RASAL2: variants seen among roughly 807,000 people sequenced by gnomAD.
RASAL2 encodes the protein ras GTPase-activating protein nGAP.
A neutral mutation model predicts 128.9 loss-of-function variants in RASAL2; 58 were observed. The observed-to-expected ratio is 0.45, with a 90% CI of 0.36 to 0.56. The LOEUF is 0.56. RASAL2 is among the 20% of genes least tolerant of loss of function. The pLI, the probability that RASAL2 is intolerant of heterozygous loss-of-function variation, is 0.00. For synonymous variants in RASAL2, 561 were observed against 580.8 expected, an observed-to-expected ratio of 0.97 and a Z score of 0.49; for missense variants, 1,360 against 1,601.6, an observed-to-expected ratio of 0.85 and a Z score of 2.57.
At chr1:178,460,274 G>A (rs555407865) in intron 14 of RASAL2, among the ~76,000 whole-genome samples, 2 of 152,150 alleles carry the variant, frequency 1.3e-5, no homozygotes, top group Admixed American at 1.3e-4. Flanking sequence ...CTTAGGCCCA[G>A]CCCTGTACAG....
At chr1:178,234,264 A>C (rs1236004237) in intron 1 of RASAL2, among the ~76,000 whole-genome samples, 1 of 152,214 alleles carries the variant, frequency 6.6e-6, no homozygotes, top group Non-Finnish European at 1.5e-5. Context: ...TTTAAAATGT[A>C]TTTCTACTGT....
intron 1 of RASAL2, among the ~76,000 whole-genome samples, chr1:178,219,756 C>T (rs182406387): frequency 7.0e-4 from 107 of 152,126 alleles, no homozygotes; most frequent in Admixed American, 2.5e-3. Context: ...TAAGCTTAAT[C>T]ATTTCTAGCT....
chr1:178,142,375 T>G (rs1386410918), intron 1 of RASAL2, among the ~76,000 whole-genome samples: 6 of 152,140 alleles, frequency 3.9e-5, no homozygotes, highest in African/African-American at 1.2e-4. Flanking sequence ...TTCCCTCCTC[T>G]TGGGGACAGG....
intron 9 of RASAL2, among the ~76,000 whole-genome samples, chr1:178,446,981 G>A (rs1039546629): frequency 1.3e-5 from 2 of 152,140 alleles, no homozygotes; most frequent in African/African-American, 4.8e-5. Context: ...AAACTATTTA[G>A]CTGGAAAAAG....
At chr1:178,241,684 A>G (rs1664504656) in intron 1 of RASAL2, among the ~76,000 whole-genome samples, 3 of 152,234 alleles carry the variant, frequency 2.0e-5, no homozygotes, top group Admixed American at 2.0e-4. Context: ...TATTGCACTC[A>G]GAAGGGTGTG....
chr1:178,337,446 T>C (rs951255651), intron 3 of RASAL2, among the ~76,000 whole-genome samples: 2 of 152,182 alleles, frequency 1.3e-5, no homozygotes, highest in African/African-American at 4.8e-5. Flanking sequence ...ATATGAACTC[T>C]CAAAAGAATG....
In RASAL2 at chr1:178,094,413, C is replaced by A. The variant is rs186965448; in HGVS notation, c.-80C>A. ...CCTCGCTGCGCGCTCTCCTCCTCCC[C>A]TTACCGCAGGCAGGGCGCGGAGCCG... On this transcript the variant is annotated 5_prime_UTR_variant, in exon 1 of 18. Coordinates refer to ENST00000367649, the MANE Select transcript of RASAL2 (RefSeq NM_170692.4). The A allele has an allele frequency of 6.7e-6, 9 of 1,349,700 alleles. No individual in the cohort carries two copies. The East Asian group carries it at 2.3e-4, about 35-fold the overall frequency. The allele number at this position is 1,349,700 out of a possible 1,614,324, so 83.6% of individuals were successfully genotyped here.
Position 178,474,382 on chromosome 1 carries a change from ACTT to A in RASAL2, c.*1148_*1150del, listed in dbSNP as rs1558020896. 1 of 152,318 alleles carries A rather than the reference ACTT, an allele frequency of 6.6e-6. No homozygotes were observed. Among genetic ancestry groups the A allele is most frequent in the Non-Finnish European group, 1.5e-5 (1 of 68,040 alleles). The allele number at this position is 152,318 out of a possible 1,614,324, so 9.4% of individuals were successfully genotyped here. A position where few individuals can be genotyped will look rare whatever the true frequency, so the allele number is the denominator to read the frequency against. Reference sequence around the variant, plus strand: ...TATCTCCATCTTTAACTTTTAAAGTACTTCTTCCCCTTATCCCCTCAATAAAGA... The same window carrying A: ...TATCTCCATCTTTAACTTTTAAAGTACTTCCCCTTATCCCCTCAATAAAGA... On this transcript the variant is annotated 3_prime_UTR_variant, in exon 18 of 18. Transcript: ENST00000367649.
At chr1:178,113,208 ATCTT>A (rs1457655767) in intron 1 of RASAL2, among the ~76,000 whole-genome samples, 2 of 152,046 alleles carry the variant, frequency 1.3e-5, no homozygotes, top group Admixed American at 1.3e-4. Flanking sequence ...TCTGTTGTCT[ATCTT>A]GATTTACAAG....
Position 178,474,970 on chromosome 1 carries a change from C to T in RASAL2, c.*1731C>T, listed in dbSNP as rs1648570701. Reference sequence around the variant, plus strand: ...GCATCAAGTGAGTGTTTCTCCATAACAGAATATTTATAAGAGAACATGTAT... The same window carrying T: ...GCATCAAGTGAGTGTTTCTCCATAATAGAATATTTATAAGAGAACATGTAT... On this transcript the variant is annotated 3_prime_UTR_variant, in exon 18 of 18. Coordinates refer to ENST00000367649, the MANE Select transcript of RASAL2 (RefSeq NM_170692.4). The T allele has an allele frequency of 6.6e-6, 1 of 152,034 alleles. No individual in the cohort carries two copies. Among genetic ancestry groups the T allele is most frequent in the Admixed American group, 6.6e-5 (1 of 15,262 alleles). The allele number at this position is 152,034 out of a possible 1,614,324, so 9.4% of individuals were successfully genotyped here.
intron 1 of RASAL2, among the ~76,000 whole-genome samples, chr1:178,282,203 A>G (rs1325555371): frequency 6.6e-6 from 1 of 152,140 alleles, no homozygotes; most frequent in Non-Finnish European, 1.5e-5. Flanking sequence ...CCCTAATAAC[A>G]CTGTTGGTTC....
intron 3 of RASAL2, among the ~76,000 whole-genome samples, chr1:178,337,568 G>A (rs1669653036): frequency 6.6e-6 from 1 of 152,134 alleles, no homozygotes; most frequent in Non-Finnish European, 1.5e-5. Context: ...CTGTTCAAAA[G>A]AGGAAGCACA....
chr1:178,180,714 G>C (rs530639121), intron 1 of RASAL2, among the ~76,000 whole-genome samples: 2 of 123,392 alleles, frequency 1.6e-5, no homozygotes, highest in East Asian at 4.4e-4. Flanking sequence ...AGAAGAAAAG[G>C]CATTATTGCG....
intron 5 of RASAL2, among the ~76,000 whole-genome samples, chr1:178,431,554 T>A (rs1446029088): frequency 6.6e-6 from 1 of 152,092 alleles, no homozygotes; most frequent in East Asian, 1.9e-4. Flanking sequence ...CATATGCCCT[T>A]GGATCTAGCA....
chr1:178,223,541 G>A (rs945343362), intron 1 of RASAL2, among the ~76,000 whole-genome samples: 1 of 152,214 alleles, frequency 6.6e-6, no homozygotes, highest in Non-Finnish European at 1.5e-5. Context: ...TACAAGGGTA[G>A]AGTGGGTATG....
At chr1:178,384,111 T>C (rs1672424889) in intron 3 of RASAL2, among the ~76,000 whole-genome samples, 1 of 152,210 alleles carries the variant, frequency 6.6e-6, no homozygotes, top group Non-Finnish European at 1.5e-5. Context: ...TAATTATAAT[T>C]GAAAGAGTAT....
chr1:178,411,973 C>T (rs898269050), intron 4 of RASAL2: 98 of 572,478 alleles, frequency 1.7e-4, no homozygotes, highest in Non-Finnish European at 2.9e-4. Context: ...CCCCTCTTGA[C>T]GGCACCCACA....
At chr1:178,465,047 A>C (rs1037440313) in intron 15 of RASAL2, among the ~76,000 whole-genome samples, 3 of 152,006 alleles carry the variant, frequency 2.0e-5, no homozygotes, top group Non-Finnish European at 4.4e-5. Flanking sequence ...GCTTCTTTTT[A>C]TCAGCATGAT....
intron 1 of RASAL2, among the ~76,000 whole-genome samples, chr1:178,249,473 A>T (rs1357816221): frequency 6.6e-6 from 1 of 151,876 alleles, no homozygotes; most frequent in African/African-American, 2.4e-5. Flanking sequence ...GCTGCCTTGC[A>T]TTGGATTAGA....
Sources: allele counts gnomAD v4.1 joint callset (sites outside exome capture counted in the v4.1 genomes callset), GRCh38; gene constraint gnomAD v4.1.1; transcripts MANE v1.5; gene names NCBI Gene and HGNC (gene_info 2026-07-23, HGNC 2026-07-21).